The following MVB12B variants were observed in gnomAD, a reference collection of about 807,000 sequenced individuals.
MVB12B encodes the protein multivesicular body subunit 12B.
Under a neutral mutation model 41.6 loss-of-function variants are expected in MVB12B, and 16 were observed. The ratio of observed to expected loss-of-function variants is 0.38; its 90% confidence interval spans 0.26 to 0.58. The LOEUF (loss-of-function observed/expected upper bound fraction) is 0.58, where lower values mean the gene tolerates loss of function less well. Ranked by LOEUF, MVB12B falls within the 20% of genes least tolerant of loss-of-function variation. The pLI is 0.62. For synonymous variants in MVB12B, 133 were observed against 139.7 expected (o/e 0.95, Z 0.34); for missense variants, 274 against 380.2 (o/e 0.72, Z 2.32).
chr9:126,404,248 C>T (rs1831353248), intron 6 of MVB12B, among the ~76,000 whole-genome samples: 1 of 152,330 alleles, frequency 6.6e-6, no homozygotes, highest in South Asian at 2.1e-4. Flanking sequence ...AGCCACCACA[C>T]CCGGCCAACT....
chr9:126,495,398 G>A (rs532304409), intron 9 of MVB12B, among the ~76,000 whole-genome samples: 19 of 152,300 alleles, frequency 1.2e-4, no homozygotes, highest in South Asian at 8.3e-4. Context: ...TCATGCAGCC[G>A]TCTTCATTTC....
chr9:126,401,683 G>A (rs115734708), intron 6 of MVB12B, among the ~76,000 whole-genome samples: 12 of 152,354 alleles, frequency 7.9e-5, no homozygotes, highest in African/African-American at 2.2e-4. Context: ...AATTCAGGCC[G>A]TGCTGCCCAG....
intron 7 of MVB12B, among the ~76,000 whole-genome samples, chr9:126,428,575 G>A: frequency 6.6e-6 from 1 of 152,140 alleles, no homozygotes; most frequent in East Asian, 1.9e-4. Context: ...TGCAGGGTTG[G>A]GAAAATGAAG....
chr9:126,502,253 C>G lies in MVB12B; in HGVS notation c.874-924C>G, dbSNP rs187170150. ...AGCCCCAACGCCTTGCACCTGTGTC[C>G]GGCCAGGCAGCTGCCAGCCCATTTC... On this transcript the variant is annotated intron_variant, in intron 9 of 9. Coordinates refer to ENST00000361171, the MANE Select transcript of MVB12B (RefSeq NM_033446.3). Among the ~76,000 whole-genome samples the G allele has an allele frequency of 8.5e-5, 13 of 152,260 alleles. No homozygotes were observed. In the East Asian group the frequency reaches 2.5e-3, roughly 29 times the overall value.
intron 4 of MVB12B, among the ~76,000 whole-genome samples, chr9:126,387,052 TAA>T (rs956902342): frequency 3.3e-5 from 5 of 152,088 alleles, no homozygotes; most frequent in Admixed American, 3.3e-4. Flanking sequence ...ACAAGGCCAA[TAA>T]TGTGCCCATT....
rs998230082 is a variant in MVB12B, at chr9:126,386,956, T to C, written c.409+298T>C. Among the ~76,000 whole-genome samples the C allele has an allele frequency of 2.6e-5, 4 of 152,130 alleles. No homozygotes were observed. Among genetic ancestry groups the C allele is most frequent in the Non-Finnish European group, 5.9e-5 (4 of 68,022 alleles). On this transcript the variant is annotated intron_variant, in intron 4 of 9. Coordinates refer to ENST00000361171, the MANE Select transcript of MVB12B (RefSeq NM_033446.3). The surrounding 1 kb of genome is among the most constrained non-coding windows in gnomAD (Gnocchi z 4.3). ...GTGAAACTATACAGTTTGTCTTTAG[T>C]CCTTCCTCTGGTGTTGCTGAAGCCA...
chr9:126,444,960 A>C (rs773576845), intron 7 of MVB12B, among the ~76,000 whole-genome samples: 4 of 152,178 alleles, frequency 2.6e-5, no homozygotes, highest in African/African-American at 7.2e-5. Context: ...GCTTTTAATA[A>C]TTATAAATGT....
intron 7 of MVB12B, among the ~76,000 whole-genome samples, chr9:126,435,093 G>A (rs201668667): frequency 7.2e-6 from 1 of 139,854 alleles, no homozygotes; most frequent in East Asian, 2.2e-4. Context: ...TTTTTTTTTT[G>A]TAATTTTGAA....
At chr9:126,346,563 C>T (rs1249024255) in intron 2 of MVB12B, among the ~76,000 whole-genome samples, 1 of 152,054 alleles carries the variant, frequency 6.6e-6, no homozygotes, top group Non-Finnish European at 1.5e-5. Context: ...TAGCGGAGCC[C>T]TGGGGCTGAA....
chr9:126,357,123 ATTCT>A (rs1488331632), intron 2 of MVB12B, among the ~76,000 whole-genome samples: 9 of 152,092 alleles, frequency 5.9e-5, no homozygotes, highest in Non-Finnish European at 1.0e-4. Flanking sequence ...CTTTATGTAA[ATTCT>A]TTATTTTGTC....
In MVB12B at chr9:126,505,400, C is replaced by T. The variant is rs919314356; in HGVS notation, c.*2137C>T. 8.5e-5 allele frequency: 13 copies of T among 152,328 alleles called. No homozygotes were observed. The highest frequency in any genetic ancestry group is 3.1e-4 in the African/African-American group (13 of 41,578). The allele number at this position is 152,328 out of a possible 1,614,324, so 9.4% of individuals were successfully genotyped here. ...CAGCCAGGTGCCCCCGCATGCCCTC[C>T]TGCAGTTGCTGGATGGATAGGGACA... On this transcript the variant is annotated 3_prime_UTR_variant, in exon 10 of 10. Transcript: ENST00000361171.
At chr9:126,481,619 TG>T (rs1833523672) in intron 8 of MVB12B, among the ~76,000 whole-genome samples, 195 bp downstream of exon 8, 1 of 152,122 alleles carries the variant, frequency 6.6e-6, no homozygotes, top group African/African-American at 2.4e-5. Flanking sequence ...CTCCTGAGGT[TG>T]GGGGGTGGGT....
At chr9:126,421,506 C>T (rs1465678084) in intron 6 of MVB12B, among the ~76,000 whole-genome samples, 3 of 152,202 alleles carry the variant, frequency 2.0e-5, no homozygotes, top group East Asian at 1.9e-4. Flanking sequence ...TGGGTTGTTA[C>T]GGTCTTGCTG....
chr9:126,455,031 C>T (rs1027311959), intron 7 of MVB12B, among the ~76,000 whole-genome samples: 38 of 152,306 alleles, frequency 2.5e-4, no homozygotes, highest in African/African-American at 9.1e-4. Context: ...TCTTGAACCA[C>T]GTCCTGGCAG....
intron 6 of MVB12B, among the ~76,000 whole-genome samples, chr9:126,402,127 G>C (rs1831284730): frequency 1.3e-5 from 2 of 152,220 alleles, no homozygotes; most frequent in Admixed American, 6.5e-5. Context: ...GTAGGGGAAG[G>C]CTCAGTGCAG....
chr9:126,433,435 A>G (rs893795030), intron 7 of MVB12B, among the ~76,000 whole-genome samples: 5 of 149,712 alleles, frequency 3.3e-5, no homozygotes, highest in Non-Finnish European at 5.9e-5. Context: ...TGGCACTGGG[A>G]TGTCTCTTCG....
chr9:126,476,304 G>T (rs1232314948), intron 7 of MVB12B, among the ~76,000 whole-genome samples: 1 of 152,210 alleles, frequency 6.6e-6, no homozygotes. Context: ...GGTTGGCCAT[G>T]GGCCCCACCA....
intron 7 of MVB12B, among the ~76,000 whole-genome samples, chr9:126,449,096 C>T (rs1832844523): frequency 6.6e-6 from 1 of 152,090 alleles, no homozygotes; most frequent in Non-Finnish European, 1.5e-5. Flanking sequence ...TGCCCAGTTC[C>T]TTGCACCTGT....
At position 126,386,256 on chromosome 9, in the gene MVB12B, G is replaced by A. The variant is rs1045129671; in HGVS notation, c.313-306G>A. Among the ~76,000 whole-genome samples the A allele has an allele frequency of 6.6e-6, 1 of 152,158 alleles. No individual in the cohort carries two copies. The highest frequency in any genetic ancestry group is 6.5e-5 in the Admixed American group (1 of 15,278). Reference sequence around the variant, plus strand: ...CAGGGCTGAATGGCAGCCTGGTCCTGGGACCTGTGTGCACAGCTGCCCTCT... The same window carrying A: ...CAGGGCTGAATGGCAGCCTGGTCCTAGGACCTGTGTGCACAGCTGCCCTCT... On this transcript the variant is annotated intron_variant, in intron 3 of 9. Coordinates refer to ENST00000361171, the MANE Select transcript of MVB12B (RefSeq NM_033446.3). The surrounding 1 kb of genome is among the most constrained non-coding windows in gnomAD (Gnocchi z 4.3).
Sources: allele counts gnomAD v4.1 joint callset (sites outside exome capture counted in the v4.1 genomes callset), GRCh38; gene constraint gnomAD v4.1.1; non-coding constraint Gnocchi (gnomAD v3.1); transcripts MANE v1.5; gene names NCBI Gene and HGNC (gene_info 2026-07-23, HGNC 2026-07-21).